The following OLFM3 variants were observed in gnomAD, a reference collection of about 807,000 sequenced individuals.
OLFM3 encodes noelin-3.
OLFM3 carries 20 observed loss-of-function variants against 48.6 expected under a neutral mutation model. The ratio of observed to expected loss-of-function variants is 0.41; its 90% CI spans 0.29 to 0.60. The LOEUF (loss-of-function observed/expected upper bound fraction) is 0.60. OLFM3 is among the 20% of genes least tolerant of loss of function. OLFM3 has a pLI of 0.28. For synonymous variants in OLFM3, 222 were observed against 198.1 expected (o/e 1.12, Z -1.01); for missense variants, 437 against 544.3 (o/e 0.80, Z 1.96).
At chr1:101,814,339 C>T (rs1402971478) in intron 4 of OLFM3, among the ~76,000 whole-genome samples, 1 of 151,270 alleles carries the variant, frequency 6.6e-6, no homozygotes, top group Non-Finnish European at 1.5e-5. Flanking sequence ...CATGACACCT[C>T]TGTTCTGGTG....
intron 1 of OLFM3, among the ~76,000 whole-genome samples, chr1:101,937,749 T>C (rs925448112): frequency 1.3e-5 from 2 of 152,158 alleles, no homozygotes; most frequent in South Asian, 4.1e-4. Context: ...TATACCAAAG[T>C]TCACTTTTAC....
intron 1 of OLFM3, among the ~76,000 whole-genome samples, chr1:101,989,529 T>A (rs967264768): frequency 6.6e-6 from 1 of 152,152 alleles, no homozygotes; most frequent in Non-Finnish European, 1.5e-5. Context: ...TAAACATTTT[T>A]AAAATAATAG....
intron 1 of OLFM3, among the ~76,000 whole-genome samples, chr1:101,983,232 C>T (rs953527596): frequency 1.2e-4 from 19 of 152,198 alleles, no homozygotes; most frequent in African/African-American, 4.6e-4. Context: ...GCTTCACAGG[C>T]TTGTACATCT....
chr1:101,931,368 G>A (rs1346248678), intron 1 of OLFM3, among the ~76,000 whole-genome samples: 1 of 152,080 alleles, frequency 6.6e-6, no homozygotes, highest in Non-Finnish European at 1.5e-5. Flanking sequence ...TCTTGTAGAG[G>A]GTGGGAAATA....
intron 4 of OLFM3, chr1:101,813,111 GC>G (rs1165811668): frequency 3.1e-6 from 4 of 1,289,542 alleles, no homozygotes; most frequent in Non-Finnish European, 4.0e-6. Context: ...CCTTTCTGTT[GC>G]CTTTTTTCTT....
chr1:101,809,225 A>T (rs1428914704), intron 4 of OLFM3, among the ~76,000 whole-genome samples: 1 of 151,762 alleles, frequency 6.6e-6, no homozygotes, highest in African/African-American at 2.4e-5. Flanking sequence ...GATTAAAAGA[A>T]CACATGATAA....
chr1:101,881,317 T>C (rs1657516971), intron 1 of OLFM3, among the ~76,000 whole-genome samples: 1 of 151,934 alleles, frequency 6.6e-6, no homozygotes, highest in Admixed American at 6.6e-5. Context: ...TGGCTTTGGT[T>C]TGGCTTATTT....
At chr1:101,853,126 G>C (rs1439829711) in intron 1 of OLFM3, among the ~76,000 whole-genome samples, 2 of 151,966 alleles carry the variant, frequency 1.3e-5, no homozygotes, top group African/African-American at 4.8e-5. Flanking sequence ...TATTTAGCTT[G>C]CACTATAAAG....
rs753802518 is a variant in OLFM3, at chr1:101,825,223, T to C, written c.395A>G (p.Glu132Gly). The C allele has an allele frequency of 6.2e-7, 1 of 1,613,898 alleles. No individual in the cohort carries two copies. The highest frequency in any genetic ancestry group is 8.5e-7 in the Non-Finnish European group (1 of 1,179,884). The stretch of plus-strand genomic sequence containing the variant: ...CAGCACGGGGATCAAAGGCAGGAGC[T>C]CGTCCATTTTCTCTTTCAACTCCTG... Reference protein sequence around the residue: ...HFQELKEKMDELLPLIPVLEQ... With the variant: ...HFQELKEKMDGLLPLIPVLEQ... The change falls in exon 4 of 6, where the codon GAG becomes GGG. Residue 132 changes from glutamate (E) to glycine (G), a missense_variant. By Grantham distance (98) the Glu-to-Gly change is moderately conservative. Transcript: ENST00000370103.
At chr1:101,911,174 A>C (rs565545721) in intron 1 of OLFM3, among the ~76,000 whole-genome samples, 1 of 152,314 alleles carries the variant, frequency 6.6e-6, no homozygotes, top group South Asian at 2.1e-4. Flanking sequence ...GGAAGCAAAT[A>C]TCTGGTAGGG....
intron 1 of OLFM3, among the ~76,000 whole-genome samples, chr1:101,950,235 A>G (rs1250231051): frequency 6.6e-6 from 1 of 152,022 alleles, no homozygotes; most frequent in African/African-American, 2.4e-5. Context: ...TTCACCACTA[A>G]AACCTTTTAC....
intron 1 of OLFM3, among the ~76,000 whole-genome samples, chr1:101,866,587 A>T (rs1245452930): frequency 6.6e-6 from 1 of 152,130 alleles, no homozygotes; most frequent in Non-Finnish European, 1.5e-5. Flanking sequence ...AAAAATAGCT[A>T]TGAAAGAACA....
chr1:101,876,833 A>G (rs796318896), intron 1 of OLFM3, among the ~76,000 whole-genome samples: 1 of 151,922 alleles, frequency 6.6e-6, no homozygotes, highest in Non-Finnish European at 1.5e-5. Flanking sequence ...GTGTCATGTA[A>G]TTGTGTTCAT....
rs545842644 is a variant in OLFM3, at chr1:101,909,562, C to T, written c.70-72537G>A. Reference sequence around the variant, plus strand: ...TTTGTTAGCAACAATATGCAAATTACCCATACCACACACTTGATTAATCTT... The same window carrying T: ...TTTGTTAGCAACAATATGCAAATTATCCATACCACACACTTGATTAATCTT... On this transcript the variant is annotated intron_variant, in intron 1 of 5. Transcript: ENST00000370103. Among the ~76,000 whole-genome samples the T allele has an allele frequency of 1.5e-4, 23 of 152,280 alleles. No individual in the cohort carries two copies. The South Asian group carries it at 4.8e-3, about 32-fold the overall frequency.
At chr1:101,812,836 G>T (rs1654134836) in intron 4 of OLFM3, 34 of 990,280 alleles carry the variant, frequency 3.4e-5, no homozygotes, top group Non-Finnish European at 3.7e-5. Flanking sequence ...CTGGTTTTGT[G>T]AGGAAAATTG....
chr1:101,807,988 A>C (rs1202583650), intron 4 of OLFM3, among the ~76,000 whole-genome samples: 1 of 151,804 alleles, frequency 6.6e-6, no homozygotes, highest in Non-Finnish European at 1.5e-5. Flanking sequence ...ATATTTTCTG[A>C]ATGCAGAATA....
intron 1 of OLFM3, among the ~76,000 whole-genome samples, chr1:101,946,322 A>G (rs11583344): frequency 2.6e-5 from 4 of 151,962 alleles, no homozygotes; most frequent in Non-Finnish European, 5.9e-5. Context: ...TTATTTGAGT[A>G]TCACGAGAAT....
intron 1 of OLFM3, among the ~76,000 whole-genome samples, chr1:101,936,352 A>T (rs922002776): frequency 1.3e-4 from 20 of 152,106 alleles, no homozygotes; most frequent in Non-Finnish European, 2.5e-4. Context: ...CGAAAAATGC[A>T]ACCCTCTTAC....
intron 1 of OLFM3, among the ~76,000 whole-genome samples, chr1:101,842,328 G>A (rs1264387859): frequency 1.3e-5 from 2 of 152,070 alleles, no homozygotes; most frequent in Admixed American, 1.3e-4. Flanking sequence ...GAGCCCAGGA[G>A]TTTGAGACCA....
Sources: allele counts gnomAD v4.1 joint callset (sites outside exome capture counted in the v4.1 genomes callset), GRCh38; gene constraint gnomAD v4.1.1; transcripts MANE v1.5; gene names NCBI Gene and HGNC (gene_info 2026-07-23, HGNC 2026-07-21).